SERPINB5: variants seen among roughly 807,000 people sequenced by gnomAD.
The protein encoded by SERPINB5 is serpin family B member 5.
In SERPINB5, 27 loss-of-function variants were observed where a neutral mutation model predicts 32.2. The ratio of observed to expected loss-of-function variants is 0.84; its 90% CI spans 0.62 to 1.16. The LOEUF is 1.16. Ranked by LOEUF, SERPINB5 falls within the 50% of genes most tolerant of loss-of-function variation. SERPINB5 has a pLI of 0.00. For synonymous variants in SERPINB5, 154 were observed against 157.4 expected (o/e 0.98, Z 0.16); for missense variants, 388 against 436.3 (o/e 0.89, Z 0.99).
intron 3 of SERPINB5, among the ~76,000 whole-genome samples, chr18:63,488,988 G>T (rs931476937): frequency 9.2e-5 from 14 of 151,882 alleles, no homozygotes; most frequent in Non-Finnish European, 1.5e-4. Flanking sequence ...TCATAATTCT[G>T]TTTTCTATAC....
intron 3 of SERPINB5, among the ~76,000 whole-genome samples, chr18:63,487,639 C>T (rs1047621346): frequency 6.6e-6 from 1 of 152,166 alleles, no homozygotes; most frequent in African/African-American, 2.4e-5. Context: ...CCACAGGCAG[C>T]TCTGGTTATA....
intron 5 of SERPINB5, among the ~76,000 whole-genome samples, chr18:63,495,757 T>C (rs1018134734): frequency 2.6e-5 from 4 of 152,242 alleles, no homozygotes; most frequent in African/African-American, 9.6e-5. Context: ...ACTCAGCCTT[T>C]ATGAACAGAA....
chr18:63,495,074 A>T (rs1426869047), intron 5 of SERPINB5, among the ~76,000 whole-genome samples: 2 of 152,198 alleles, frequency 1.3e-5, no homozygotes, highest in African/African-American at 4.8e-5. Flanking sequence ...TTACCAACTC[A>T]AAATATCCAT....
In SERPINB5 at chr18:63,498,945, ATATG is replaced by A. The variant is rs1359858502; in HGVS notation, c.568-169_568-166del. ...TATGTGTATATATAGGTGTATGTAT[ATATG>A]TATGTGTATCTGTATATATATAGGT... On this transcript the variant is annotated intron_variant, in intron 5 of 6. Coordinates refer to ENST00000382771, the MANE Select transcript of SERPINB5 (RefSeq NM_002639.5). The surrounding 1 kb of genome is among the most constrained non-coding windows in gnomAD (Gnocchi z 4.2). 1.2e-4 allele frequency among the ~76,000 whole-genome samples: 18 copies of A among 150,582 alleles called. No homozygotes were observed. The highest frequency in any genetic ancestry group is 4.4e-4 in the African/African-American group (18 of 41,130).
In SERPINB5 at chr18:63,502,427, G is replaced by A. The variant is rs546772476; in HGVS notation, c.736-903G>A. Among the ~76,000 whole-genome samples, 9 of 151,952 alleles carry A rather than the reference G, an allele frequency of 5.9e-5. No homozygotes were observed. The East Asian group carries it at 7.7e-4, about 13-fold the overall frequency. On this transcript the variant is annotated intron_variant, in intron 6 of 6. Transcript: ENST00000382771. ...TGGGATTGCAGGCGTGAGCCACTGC[G>A]CCCAGCCGCATCTCTCTCATTTTTT...
intron 5 of SERPINB5, chr18:63,497,218 G>T: frequency 2.8e-6 from 2 of 725,144 alleles, no homozygotes; most frequent in Admixed American, 1.8e-5. Flanking sequence ...GGCAGACACA[G>T]TTGGTGTGGT....
chr18:63,491,482 A>ATT (rs113151376), intron 4 of SERPINB5, among the ~76,000 whole-genome samples: 13 of 139,644 alleles, frequency 9.3e-5, no homozygotes, highest in South Asian at 2.3e-4. Flanking sequence ...TCTTTCTTTC[A>ATT]TTTTTTTTTT....
chr18:63,490,887 T>TTTGTGGTTTAGTGGTTA (rs1351931489), intron 4 of SERPINB5, among the ~76,000 whole-genome samples: 2 of 152,214 alleles, frequency 1.3e-5, no homozygotes, highest in African/African-American at 4.8e-5. Flanking sequence ...ATGGATAAGC[T>TTTGTGGTTTAGTGGTTA]CTTTAGTGGT....
At chr18:63,495,389 G>T (rs900218953) in intron 5 of SERPINB5, among the ~76,000 whole-genome samples, 1 of 152,174 alleles carries the variant, frequency 6.6e-6, no homozygotes, top group East Asian at 1.9e-4. Flanking sequence ...TGGCCCTGAC[G>T]GCATCCACAC....
intron 1 of SERPINB5, among the ~76,000 whole-genome samples, chr18:63,478,758 GTTTTT>G (rs10669993): frequency 1.5e-5 from 2 of 135,382 alleles, no homozygotes; most frequent in Non-Finnish European, 3.1e-5. Context: ...TAAAAACGTA[GTTTTT>G]TTTTTTTTTT....
At chr18:63,481,994 G>C (rs1220828374) in intron 1 of SERPINB5, among the ~76,000 whole-genome samples, 1 of 152,174 alleles carries the variant, frequency 6.6e-6, no homozygotes, top group African/African-American at 2.4e-5. Context: ...CTGAGCGCAT[G>C]GCTGTACTTA....
At chr18:63,482,136 T>C (rs1486112160) in intron 1 of SERPINB5, among the ~76,000 whole-genome samples, 1 of 152,228 alleles carries the variant, frequency 6.6e-6, no homozygotes, top group African/African-American at 2.4e-5. Context: ...AAGTCCATCC[T>C]ACACACAAGC....
chr18:63,499,312 A>C, intron 6 of SERPINB5, 25 bp downstream of exon 6: 1 of 1,482,900 alleles, frequency 6.7e-7, no homozygotes, highest in South Asian at 1.5e-5. Context: ...GGTGCTCTCC[A>C]CAAAGGCACC....
In SERPINB5 at chr18:63,486,990, A is replaced by C; in HGVS notation, c.213A>C (p.Gln71His). 6.2e-7 allele frequency: 1 copy of C among 1,614,218 alleles called. No homozygotes were observed. Among genetic ancestry groups the C allele is most frequent in the South Asian group, 1.1e-5 (1 of 91,076 alleles). The change falls in exon 3 of 7, where the codon CAA (glutamine) becomes CAC (histidine). Residue 71 changes from glutamine to histidine, a missense_variant. Transcript: ENST00000382771. ...ENVKDVPFGF[Q>H]TVTSDVNKLS... Reference sequence around the variant, plus strand: ...TCAAAGATGTACCCTTTGGATTTCAAACAGTAACATCGGATGTAAACAAAC... The same window carrying C: ...TCAAAGATGTACCCTTTGGATTTCACACAGTAACATCGGATGTAAACAAAC...
intron 6 of SERPINB5, among the ~76,000 whole-genome samples, chr18:63,499,577 A>C (rs774600319): frequency 1.3e-5 from 2 of 151,982 alleles, no homozygotes; most frequent in Non-Finnish European, 2.9e-5. Flanking sequence ...CTGTTACCAC[A>C]CTCTTGTTTA....
At chr18:63,502,908 C>A (rs1032668323) in intron 6 of SERPINB5, among the ~76,000 whole-genome samples, 1 of 151,956 alleles carries the variant, frequency 6.6e-6, no homozygotes, top group South Asian at 2.1e-4. Context: ...CCTGTAATCC[C>A]AGCTACTCGA....
intron 4 of SERPINB5, among the ~76,000 whole-genome samples, chr18:63,491,333 C>G (rs569279431): frequency 1.5e-5 from 2 of 129,534 alleles, no homozygotes; most frequent in African/African-American, 5.9e-5. Flanking sequence ...ACCTGGGAGG[C>G]GGAGGTTGCA....
chr18:63,497,971 C>A (rs1909486448), intron 5 of SERPINB5, among the ~76,000 whole-genome samples: 1 of 152,162 alleles, frequency 6.6e-6, no homozygotes, highest in Admixed American at 6.5e-5. Flanking sequence ...TGTTAATTAG[C>A]TCAGATCTGA....
intron 6 of SERPINB5, among the ~76,000 whole-genome samples, chr18:63,499,830 G>T (rs1463497755): frequency 6.6e-6 from 1 of 151,928 alleles, no homozygotes; most frequent in East Asian, 1.9e-4. Flanking sequence ...AAAATTAGTA[G>T]ATGTTATTTT....
Sources: allele counts gnomAD v4.1 joint callset (sites outside exome capture counted in the v4.1 genomes callset), GRCh38; gene constraint gnomAD v4.1.1; non-coding constraint Gnocchi (gnomAD v3.1); transcripts MANE v1.5; gene names NCBI Gene and HGNC (gene_info 2026-07-23, HGNC 2026-07-21).